ARHGAP10: variants seen among roughly 807,000 people sequenced by gnomAD.
ARHGAP10 encodes rho GTPase-activating protein 10.
Under a neutral mutation model 108.6 loss-of-function variants are expected in ARHGAP10, and 87 were observed. The ratio of observed to expected loss-of-function variants is 0.80; its 90% CI spans 0.67 to 0.96. The LOEUF (loss-of-function observed/expected upper bound fraction) is 0.96. Among genes scored for constraint, ARHGAP10 ranks in the 40% least tolerant of loss-of-function variants. The pLI, the probability that ARHGAP10 is intolerant of heterozygous loss-of-function variation, is 0.00. For missense variants in ARHGAP10, 939 were observed against 954.5 expected (o/e 0.98, Z 0.21); for synonymous variants, 347 against 341.1 (o/e 1.02, Z -0.19).
intron 12 of ARHGAP10, among the ~76,000 whole-genome samples, chr4:147,911,783 G>T (rs573362559): frequency 5.3e-5 from 8 of 152,140 alleles, no homozygotes; most frequent in Admixed American, 1.3e-4. Flanking sequence ...AAAATAGTTT[G>T]CTCTGCCATA....
In ARHGAP10 at chr4:147,956,763, T is replaced by C. The variant is rs547957159; in HGVS notation, c.1450+1389T>C. The stretch of plus-strand genomic sequence containing the variant: ...TTTTTTTTTTTCCTTTTTTTTTTTC[T>C]TTTATTATTATACTTTAAGTTTTAG... On this transcript the variant is annotated intron_variant, in intron 16 of 22. Coordinates refer to ENST00000336498, the MANE Select transcript of ARHGAP10 (RefSeq NM_024605.4). Among the ~76,000 whole-genome samples the C allele has an allele frequency of 3.5e-3, 528 of 150,450 alleles. 2 individuals are homozygous for C. Among genetic ancestry groups the C allele is most frequent in the African/African-American group, 0.012 (506 of 40,684 alleles).
intron 19 of ARHGAP10, among the ~76,000 whole-genome samples, chr4:148,027,380 G>C (rs1727917459): frequency 1.3e-5 from 2 of 152,164 alleles, no homozygotes; most frequent in Non-Finnish European, 2.9e-5. Context: ...GGTCTTACTT[G>C]GGTATCGTCG....
intron 1 of ARHGAP10, among the ~76,000 whole-genome samples, chr4:147,768,577 ACATAATGAAATAATTGTT>A (rs1231306222): frequency 6.6e-6 from 1 of 152,078 alleles, no homozygotes; most frequent in African/African-American, 2.4e-5. Flanking sequence ...AGAGACTTGA[ACATAATGAAATAATTGTT>A]CATTTTTCAA....
At chr4:147,834,833 T>A (rs1733101249) in intron 3 of ARHGAP10, among the ~76,000 whole-genome samples, 1 of 150,102 alleles carries the variant, frequency 6.7e-6, no homozygotes, top group Non-Finnish European at 1.5e-5. Flanking sequence ...TGCATCACTG[T>A]CTGATGGCCC....
chr4:147,833,426 A>G (rs767320697), intron 3 of ARHGAP10, among the ~76,000 whole-genome samples: 1 of 151,924 alleles, frequency 6.6e-6, no homozygotes, highest in Admixed American at 6.6e-5. Flanking sequence ...GTTTCCTGAG[A>G]CCTCTGCAGC....
chr4:147,991,436 G>A (rs1283471930), intron 18 of ARHGAP10, among the ~76,000 whole-genome samples: 1 of 152,140 alleles, frequency 6.6e-6, no homozygotes, highest in Non-Finnish European at 1.5e-5. Flanking sequence ...GCCTTACGGA[G>A]CTTACTCTTC....
intron 3 of ARHGAP10, among the ~76,000 whole-genome samples, chr4:147,826,036 G>C (rs1332528089): frequency 6.6e-6 from 1 of 152,214 alleles, no homozygotes; most frequent in Admixed American, 6.5e-5. Context: ...GTGGGGCGGG[G>C]CTACAGCATA....
At chr4:147,773,650 T>A (rs1730167104) in intron 1 of ARHGAP10, among the ~76,000 whole-genome samples, 1 of 152,222 alleles carries the variant, frequency 6.6e-6, no homozygotes, top group Non-Finnish European at 1.5e-5. Context: ...TATCTGTTTT[T>A]CGTGGGCAGA....
chr4:147,887,903 C>A (rs936201017), intron 10 of ARHGAP10, among the ~76,000 whole-genome samples: 4 of 151,538 alleles, frequency 2.6e-5, no homozygotes, highest in African/African-American at 9.7e-5. Context: ...CTTCCCTCTT[C>A]TCTTTTGAGC....
chr4:147,881,688 G>A (rs946141714), intron 9 of ARHGAP10, 150 bp from the exon 10 acceptor site: 11 of 545,656 alleles, frequency 2.0e-5, no homozygotes, highest in Middle Eastern at 2.8e-4. Context: ...ATTCTAAATA[G>A]CATTTAAATA....
rs546997187 is a variant in ARHGAP10, at chr4:147,954,169, G to C, written c.1392-1147G>C. 9.9e-5 allele frequency among the ~76,000 whole-genome samples: 15 copies of C among 152,096 alleles called. No individual in the cohort carries two copies. The East Asian group carries it at 1.5e-3, about 16-fold the overall frequency. ...TGTATGCACTGGGAATGTGTGTTCT[G>C]CTTTTGAGTGGAGTGTCATTTAGGT... On this transcript the variant is annotated intron_variant, in intron 15 of 22. Transcript: ENST00000336498.
intron 18 of ARHGAP10, among the ~76,000 whole-genome samples, chr4:148,003,906 C>A (rs2149647927): frequency 6.6e-6 from 1 of 152,292 alleles, no homozygotes; most frequent in African/African-American, 2.4e-5. Context: ...AAGCCTAAAT[C>A]AGCAAGTGAA....
At chr4:147,793,271 T>A (rs1169973498) in intron 1 of ARHGAP10, among the ~76,000 whole-genome samples, 1 of 151,730 alleles carries the variant, frequency 6.6e-6, no homozygotes, top group Admixed American at 6.6e-5. Context: ...GTTCACAAAA[T>A]ACTTAGCAAT....
intron 3 of ARHGAP10, among the ~76,000 whole-genome samples, chr4:147,845,219 C>T (rs955652905): frequency 3.9e-5 from 6 of 152,218 alleles, no homozygotes; most frequent in African/African-American, 1.4e-4. Flanking sequence ...TCTCTTTGCA[C>T]ACATTTCTCC....
chr4:148,068,616 T>C (rs1730009404), intron 22 of ARHGAP10, among the ~76,000 whole-genome samples: 2 of 152,146 alleles, frequency 1.3e-5, no homozygotes, highest in Non-Finnish European at 2.9e-5. Context: ...TGTGCTTGTG[T>C]GACAAAACTG....
At chr4:147,983,078 C>T (rs75563088) in intron 18 of ARHGAP10, among the ~76,000 whole-genome samples, 2 of 151,942 alleles carry the variant, frequency 1.3e-5, no homozygotes, top group African/African-American at 4.8e-5. Flanking sequence ...ATGGGGGTCT[C>T]ACCATGTTGC....
chr4:148,065,554 C>A (rs1441578400), intron 22 of ARHGAP10: 1 of 152,194 alleles, frequency 6.6e-6, no homozygotes, highest in Non-Finnish European at 1.5e-5. Flanking sequence ...ATTCCTCCAT[C>A]ACCATAACAT....
At chr4:147,758,613 C>T (rs943930186) in intron 1 of ARHGAP10, among the ~76,000 whole-genome samples, 2 of 152,008 alleles carry the variant, frequency 1.3e-5, no homozygotes, top group African/African-American at 2.4e-5. Flanking sequence ...ATTCTTTGTC[C>T]CCTGTGCCTG....
chr4:147,885,950 C>A (rs1469595538), intron 10 of ARHGAP10, among the ~76,000 whole-genome samples: 1 of 152,200 alleles, frequency 6.6e-6, no homozygotes, highest in Non-Finnish European at 1.5e-5. Context: ...TTTTTTAGCA[C>A]TGGCATAATG....
Sources: allele counts gnomAD v4.1 joint callset (sites outside exome capture counted in the v4.1 genomes callset), GRCh38; gene constraint gnomAD v4.1.1; transcripts MANE v1.5; gene names NCBI Gene and HGNC (gene_info 2026-07-23, HGNC 2026-07-21).